Variants in HS2ST1 observed in about 807,000 individuals in gnomAD.
HS2ST1 encodes the protein 2-O-sulfotransferase.
A neutral mutation model predicts 42.9 loss-of-function variants in HS2ST1; 18 were observed. The ratio of observed to expected loss-of-function variants is 0.42; its 90% CI spans 0.29 to 0.62. The LOEUF (loss-of-function observed/expected upper bound fraction) is 0.62. HS2ST1 is among the 20% of genes least tolerant of loss of function. The probability of loss-of-function intolerance (pLI) is 0.21; values close to 1 mark genes in which losing one functional copy is unlikely to be tolerated. For missense variants in HS2ST1, 334 were observed against 433.8 expected (o/e 0.77, Z 2.04); for synonymous variants, 146 against 152.9 (o/e 0.95, Z 0.33).
At chr1:87,074,320 C>T (rs1363622768) in intron 2 of HS2ST1, among the ~76,000 whole-genome samples, 1 of 152,172 alleles carries the variant, frequency 6.6e-6, no homozygotes, top group Non-Finnish European at 1.5e-5. Flanking sequence ...TTGTGTATCT[C>T]AAGGACAAGT....
At chr1:87,018,159 CACACAG>C (rs932021258) in intron 1 of HS2ST1, among the ~76,000 whole-genome samples, 18 of 147,926 alleles carry the variant, frequency 1.2e-4, no homozygotes, top group East Asian at 8.0e-4. Context: ...CACACACACA[CACACAG>C]ACACACACAC....
chr1:87,109,228 G>A lies in HS2ST1; in HGVS notation c.*4532G>A, dbSNP rs1219997884. The stretch of plus-strand genomic sequence containing the variant: ...TATTTTCTTTTGTAGCCTTGACACT[G>A]ATGGACATTTTCCAAGCTGACTCAG... On this transcript the variant is annotated 3_prime_UTR_variant, in exon 7 of 7. Transcript: ENST00000370550. The A allele has an allele frequency of 2.8e-4, 42 of 152,462 alleles. No individual in the cohort carries two copies. Among genetic ancestry groups the A allele is most frequent in the Non-Finnish European group, 4.4e-5 (3 of 67,984 alleles). 9.4% of individuals were successfully genotyped at this position (152,462 alleles called of 1,614,324 possible).
chr1:87,085,200 A>AC (rs1429785328), intron 3 of HS2ST1, among the ~76,000 whole-genome samples: 2 of 152,064 alleles, frequency 1.3e-5, no homozygotes, highest in Admixed American at 6.6e-5. Context: ...AACACTAAAA[A>AC]AATTTTTTTT....
intron 1 of HS2ST1, among the ~76,000 whole-genome samples, chr1:87,009,178 G>A (rs76464286): frequency 6.9e-4 from 105 of 152,274 alleles, no homozygotes; most frequent in African/African-American, 2.4e-3. Flanking sequence ...ACAATATTGC[G>A]AATTCCTAGC....
At chr1:86,963,746 C>CCG (rs1647931134) in intron 1 of HS2ST1, among the ~76,000 whole-genome samples, 1 of 8,388 alleles carries the variant, frequency 1.2e-4, no homozygotes, top group African/African-American at 2.4e-4. Flanking sequence ...GCAGAGGCGC[C>CCG]CCCCCCCCCA....
chr1:86,944,248 C>T (rs1236063716), intron 1 of HS2ST1, among the ~76,000 whole-genome samples: 1 of 152,084 alleles, frequency 6.6e-6, no homozygotes, highest in Non-Finnish European at 1.5e-5. Context: ...GAGGGTATAA[C>T]TTTTGAGGTA....
At position 87,109,790 on chromosome 1, in the gene HS2ST1, T is replaced by C. The variant is rs372401081; in HGVS notation, c.*5094T>C. On this transcript the variant is annotated 3_prime_UTR_variant, in exon 7 of 7. Coordinates refer to ENST00000370550, the MANE Select transcript of HS2ST1 (RefSeq NM_012262.4). ...AATCAAAGGGATCTGCATTTAGCAATGTGATGTCAGTAAATGGACATAACA... is the reference window on the plus strand; with the variant it reads ...AATCAAAGGGATCTGCATTTAGCAACGTGATGTCAGTAAATGGACATAACA... 6 of 152,114 alleles carry C rather than the reference T, an allele frequency of 3.9e-5. No individual in the cohort carries two copies. Among genetic ancestry groups the C allele is most frequent in the African/African-American group, 1.4e-4 (6 of 41,442 alleles). The allele number at this position is 152,114 out of a possible 1,614,324, so 9.4% of individuals were successfully genotyped here.
intron 5 of HS2ST1, among the ~76,000 whole-genome samples, chr1:87,098,818 A>G (rs918830671): frequency 2.0e-5 from 3 of 152,124 alleles, no homozygotes; most frequent in Non-Finnish European, 4.4e-5. Context: ...ATCTCACTCT[A>G]TCACACAAGC....
At chr1:87,022,314 T>C (rs1456106397) in intron 1 of HS2ST1, among the ~76,000 whole-genome samples, 1 of 152,186 alleles carries the variant, frequency 6.6e-6, no homozygotes, top group Non-Finnish European at 1.5e-5. Context: ...TTCACAGTTA[T>C]GGGAAACAGA....
chr1:86,921,611 C>T (rs184224996), intron 1 of HS2ST1, among the ~76,000 whole-genome samples: 23 of 152,174 alleles, frequency 1.5e-4, no homozygotes, highest in Admixed American at 2.0e-4. Context: ...CTTTTTTCTA[C>T]GTAAGAAGAC....
chr1:87,014,132 C>A (rs1462343386), intron 1 of HS2ST1, among the ~76,000 whole-genome samples: 1 of 152,220 alleles, frequency 6.6e-6, no homozygotes, highest in African/African-American at 2.4e-5. Context: ...CAGCACCCCA[C>A]TACCTCAGTA....
chr1:87,074,691 GA>G (rs147373827), intron 2 of HS2ST1, among the ~76,000 whole-genome samples: 15 of 146,306 alleles, frequency 1.0e-4, no homozygotes, highest in South Asian at 4.3e-4. Flanking sequence ...TTATGTATAG[GA>G]AAAAAAAAAC....
intron 1 of HS2ST1, among the ~76,000 whole-genome samples, chr1:87,021,800 G>A (rs1272632147): frequency 2.0e-5 from 3 of 152,132 alleles, no homozygotes; most frequent in African/African-American, 7.2e-5. Context: ...ATAGGCATGA[G>A]CCACCAAGCC....
rs200713090 is a variant in HS2ST1, at chr1:87,015,052, G to T, written c.125-57882G>T. Among the ~76,000 whole-genome samples, 9 of 9,396 alleles carry T rather than the reference G, an allele frequency of 9.6e-4. No homozygotes were observed. In the East Asian group the frequency reaches 0.2, roughly 214 times the overall value. 6.2% of individuals were successfully genotyped at this position (9,396 alleles called of 152,430 possible). ...ACTTTGTGGGGTTTTTTAGTTTTTT[G>T]TTTGTTTGTTTGTTTGAGACAGAGT... On this transcript the variant is annotated intron_variant, in intron 1 of 6. Coordinates refer to ENST00000370550, the MANE Select transcript of HS2ST1 (RefSeq NM_012262.4).
intron 5 of HS2ST1, among the ~76,000 whole-genome samples, chr1:87,101,149 GTTTTTTGTTTTTTTTTTTTTTTTT>G (rs1652192273): frequency 1.7e-5 from 1 of 59,540 alleles, no homozygotes; most frequent in Non-Finnish European, 3.0e-5. Context: ...GTGTGTGTGT[GTTTTTTGTTTTTTTTTTTTTTTTT>G]TTTTTTTTTT....
intron 1 of HS2ST1, among the ~76,000 whole-genome samples, chr1:86,976,525 C>A (rs532239608): frequency 2.8e-4 from 43 of 151,002 alleles, no homozygotes; most frequent in African/African-American, 1.0e-3. Context: ...TAAAAACAGG[C>A]AAGATAAAGC....
At chr1:87,084,401 T>C (rs976159408) in intron 3 of HS2ST1, 122 bp downstream of exon 3, 1 of 586,014 alleles carries the variant, frequency 1.7e-6, no homozygotes. Flanking sequence ...CCTTTGCCAG[T>C]TTTAGATCTG....
At chr1:86,922,028 T>TA (rs1369651770) in intron 1 of HS2ST1, among the ~76,000 whole-genome samples, 2 of 152,220 alleles carry the variant, frequency 1.3e-5, no homozygotes, top group Non-Finnish European at 2.9e-5. Context: ...TGGTTGGGTT[T>TA]AAATTCGTGA....
At chr1:86,950,360 ATAGGTAGG>A (rs148023492) in intron 1 of HS2ST1, among the ~76,000 whole-genome samples, 4 of 151,838 alleles carry the variant, frequency 2.6e-5, no homozygotes, top group African/African-American at 4.9e-5. Flanking sequence ...GGGTAGATAG[ATAGGTAGG>A]TAGGTAGGTA....
Sources: allele counts gnomAD v4.1 joint callset (sites outside exome capture counted in the v4.1 genomes callset), GRCh38; gene constraint gnomAD v4.1.1; transcripts MANE v1.5; gene names NCBI Gene and HGNC (gene_info 2026-07-23, HGNC 2026-07-21).